The following CELSR1 variants were observed in gnomAD, a reference collection of about 807,000 sequenced individuals.
The protein encoded by CELSR1 is cadherin EGF LAG seven-pass G-type receptor 1.
A neutral mutation model predicts 249.1 loss-of-function variants in CELSR1; 110 were observed. The ratio of observed to expected loss-of-function variants is 0.44; its 90% CI spans 0.38 to 0.52. The LOEUF (loss-of-function observed/expected upper bound fraction) is 0.52. Ranked by LOEUF, CELSR1 falls within the 20% of genes least tolerant of loss-of-function variation. The pLI is 0.00. For synonymous variants in CELSR1, 2,113 were observed against 1,900.0 expected (o/e 1.11, Z -2.92); for missense variants, 4,109 against 4,296.4 (o/e 0.96, Z 1.22).
chr22:46,532,093 G>T (rs1314731646), intron 1 of CELSR1, among the ~76,000 whole-genome samples: 3 of 152,132 alleles, frequency 2.0e-5, no homozygotes, highest in Non-Finnish European at 4.4e-5. Flanking sequence ...GCTAACAGCG[G>T]GGGGGCCCAC....
chr22:46,407,004 G>T lies in CELSR1; in HGVS notation c.5226+1992C>A, dbSNP rs76263387. Reference sequence around the variant, plus strand: ...GGAGGGACTTCCTGACCGCAGGAGCGGGGAGGGGGGGTCATCCTGGGAGAA... The same window carrying T: ...GGAGGGACTTCCTGACCGCAGGAGCTGGGAGGGGGGGTCATCCTGGGAGAA... On this transcript the variant is annotated intron_variant, in intron 9 of 34. Coordinates refer to ENST00000674500, the MANE Select transcript of CELSR1 (RefSeq NM_001378328.1). The surrounding 1 kb of genome is among the most constrained non-coding windows in gnomAD (Gnocchi z 4.8). 6.6e-6 allele frequency among the ~76,000 whole-genome samples: 1 copy of T among 152,270 alleles called. No individual in the cohort carries two copies. Among genetic ancestry groups the T allele is most frequent in the Admixed American group, 6.5e-5 (1 of 15,298 alleles).
Position 46,488,971 on chromosome 22 carries a change from T to G in CELSR1, c.3545-24626A>C, listed in dbSNP as rs1207649817. Among the ~76,000 whole-genome samples the G allele has an allele frequency of 6.6e-6, 1 of 152,044 alleles. No individual in the cohort carries two copies. The highest frequency in any genetic ancestry group is 1.5e-5 in the Non-Finnish European group (1 of 68,004). On this transcript the variant is annotated intron_variant, in intron 1 of 34. Coordinates refer to ENST00000674500, the MANE Select transcript of CELSR1 (RefSeq NM_001378328.1). This position sits in a 1 kb window ranked among gnomAD's most constrained non-coding sequence, Gnocchi z 4.7. ...ACCACGCCCAGCCCAGCCCTGCCCT[T>G]TTGAGCATGCAGCAGTTGGGGTCAC... is the stretch of plus-strand genomic sequence containing the variant.
rs924735175 is a variant in CELSR1 at position 46,517,174 on chromosome 22, G to A, written c.3544+16453C>T. On this transcript the variant is annotated intron_variant, in intron 1 of 34. Transcript: ENST00000674500. This position sits in a 1 kb window ranked among gnomAD's most constrained non-coding sequence, Gnocchi z 5.4. ...CACTGCCTCAGTTTTCCCAGCTGCA[G>A]AGCATGGAGCTGCCAGGTGCAAGTT... Among the ~76,000 whole-genome samples, 18 of 152,236 alleles carry A rather than the reference G, an allele frequency of 1.2e-4. No homozygotes were observed. Among genetic ancestry groups the A allele is most frequent in the Admixed American group, 1.1e-3 (17 of 15,282 alleles).
Position 46,464,035 on chromosome 22 carries a change from G to A in CELSR1, c.3855C>T (p.Tyr1285=), listed in dbSNP as rs1175004353. 4 of 1,613,692 alleles carry A rather than the reference G, an allele frequency of 2.5e-6. No individual in the cohort carries two copies. The Admixed American group carries it at 6.7e-5, about 27-fold the overall frequency. ...TGGTGGTCAGCAGCGTCCGATTCAG[G>A]TAGATCTGCTCCTGCAGGTCCTCCG... is the stretch of plus-strand genomic sequence containing the variant. ...FPSEDLQEQI[Y]LNRTLLTTIS... The change falls in exon 2 of 35, where the codon TAC becomes TAT. Residue 1285 remains tyrosine, a synonymous_variant. Coordinates refer to ENST00000674500, the MANE Select transcript of CELSR1 (RefSeq NM_001378328.1). This position sits in a 1 kb window ranked among gnomAD's most constrained non-coding sequence, Gnocchi z 8.5.
chr22:46,505,741 G>A (rs946952035), intron 1 of CELSR1, among the ~76,000 whole-genome samples: 5 of 152,206 alleles, frequency 3.3e-5, no homozygotes, highest in Non-Finnish European at 5.9e-5. Flanking sequence ...AAAAATGTTC[G>A]GAAAGACACC....
intron 1 of CELSR1, among the ~76,000 whole-genome samples, chr22:46,494,627 G>A (rs1451513622): frequency 6.6e-6 from 1 of 152,106 alleles, no homozygotes. Flanking sequence ...TCATGCCTCA[G>A]CCTCCAGAGT....
rs1437438584 is a variant in CELSR1, at chr22:46,527,834, G to A, written c.3544+5793C>T. 3.3e-5 allele frequency among the ~76,000 whole-genome samples: 5 copies of A among 152,174 alleles called. No individual in the cohort carries two copies. The highest frequency in any genetic ancestry group is 2.1e-4 in the South Asian group (1 of 4,828). On this transcript the variant is annotated intron_variant, in intron 1 of 34. Transcript: ENST00000674500. The surrounding 1 kb of genome is among the most constrained non-coding windows in gnomAD (Gnocchi z 5.5). Reference sequence around the variant, plus strand: ...ACCCAGGCTGGGAGCGGTGGCTCACGCCTGTAATCCCAGCATTTTGGGAGG... The same window carrying A: ...ACCCAGGCTGGGAGCGGTGGCTCACACCTGTAATCCCAGCATTTTGGGAGG...
chr22:46,367,227 G>A (rs562368702), intron 28 of CELSR1, 109 bp from the exon 29 acceptor site: 164 of 1,400,044 alleles, frequency 1.2e-4, no homozygotes, highest in Admixed American at 4.1e-4. Context: ...CAACATGTCC[G>A]GCCACACGGC....
At chr22:46,416,383 C>T (rs1198790119) in intron 5 of CELSR1, among the ~76,000 whole-genome samples, 2 of 152,212 alleles carry the variant, frequency 1.3e-5, no homozygotes, top group Non-Finnish European at 1.5e-5. Flanking sequence ...GAGGACCCCC[C>T]CCAACCCCTG....
chr22:46,522,306 T>C (rs5768884), intron 1 of CELSR1, among the ~76,000 whole-genome samples: 1 of 152,112 alleles, frequency 6.6e-6, no homozygotes, highest in African/African-American at 2.4e-5. Context: ...TTTTATATTT[T>C]GTATATTTTT....
intron 5 of CELSR1, among the ~76,000 whole-genome samples, chr22:46,431,691 G>A (rs577340191): frequency 2.6e-4 from 40 of 152,318 alleles, no homozygotes; most frequent in South Asian, 1.7e-3. Context: ...ACGGCCACCC[G>A]TGCAGCTCAC....
intron 13 of CELSR1, among the ~76,000 whole-genome samples, chr22:46,394,997 G>A (rs775906838): frequency 1.3e-5 from 2 of 152,142 alleles, no homozygotes; most frequent in African/African-American, 4.8e-5. Flanking sequence ...CAACGGCCCC[G>A]CCCGAGTGTC....
chr22:46,525,952 C>A (rs1446558344), intron 1 of CELSR1, among the ~76,000 whole-genome samples: 1 of 152,252 alleles, frequency 6.6e-6, no homozygotes, highest in African/African-American at 2.4e-5. Flanking sequence ...CCGGCTCCTG[C>A]CCAGGGCTTT....
In CELSR1 at chr22:46,390,604, C is replaced by T. The variant is rs930552472; in HGVS notation, c.6251-118G>A. 1 of 780,966 alleles carries T rather than the reference C, an allele frequency of 1.3e-6. No individual in the cohort carries two copies. Among genetic ancestry groups the T allele is most frequent in the African/African-American group, 1.8e-5 (1 of 57,030 alleles). The allele number at this position is 780,966 out of a possible 1,614,324, so 48.4% of individuals were successfully genotyped here. A position where few individuals can be genotyped will look rare whatever the true frequency, so the allele number is the denominator to read the frequency against. ...CAGAACACTGCGTGGTGGTTAGAAC[C>T]CCATGGGGGCCAGGAGGTCGACACC... On this transcript the variant is annotated intron_variant, in intron 16 of 34. Transcript: ENST00000674500. This position sits in a 1 kb window ranked among gnomAD's most constrained non-coding sequence, Gnocchi z 6.3.
At chr22:46,504,348 C>T (rs2080493444) in intron 1 of CELSR1, among the ~76,000 whole-genome samples, 1 of 151,830 alleles carries the variant, frequency 6.6e-6, no homozygotes, top group African/African-American at 2.4e-5. Flanking sequence ...CCCATCTCTA[C>T]TAAAAACACA....
In CELSR1 at chr22:46,363,157, G is replaced by A. The variant is rs2078724679; in HGVS notation, c.*66C>T. 1.9e-6 allele frequency: 3 copies of A among 1,613,652 alleles called. No individual in the cohort carries two copies. Among genetic ancestry groups the A allele is most frequent in the South Asian group, 1.1e-5 (1 of 91,072 alleles). On this transcript the variant is annotated 3_prime_UTR_variant, in exon 35 of 35. Transcript: ENST00000674500. This position sits in a 1 kb window ranked among gnomAD's most constrained non-coding sequence, Gnocchi z 4.3. ...AGGTCTGAGGGTGATGCCGCAGCCT[G>A]TGTGGGGTGACGGGCTTGCCTCACG...
Position 46,423,639 on chromosome 22 carries a change from G to A in CELSR1, c.4611+9754C>T, listed in dbSNP as rs868441963. ...AAAAAAAAAAAGACTCCATGCTTTA[G>A]GCAGTTTATGACCTTGAAAAAGCTA... On this transcript the variant is annotated intron_variant, in intron 5 of 34. Transcript: ENST00000674500. The surrounding 1 kb of genome is among the most constrained non-coding windows in gnomAD (Gnocchi z 5.6). 1.3e-5 allele frequency among the ~76,000 whole-genome samples: 2 copies of A among 150,464 alleles called. No individual in the cohort carries two copies. Among genetic ancestry groups the A allele is most frequent in the Admixed American group, 6.6e-5 (1 of 15,068 alleles).
At chr22:46,375,895 G>A (rs1289893562) in intron 24 of CELSR1, among the ~76,000 whole-genome samples, 1 of 152,168 alleles carries the variant, frequency 6.6e-6, no homozygotes, top group Non-Finnish European at 1.5e-5. Context: ...TTTTCTATGA[G>A]ATCCTTCATG....
intron 2 of CELSR1, among the ~76,000 whole-genome samples, chr22:46,460,835 T>C (rs891158222): frequency 4.6e-5 from 7 of 152,174 alleles, no homozygotes; most frequent in Admixed American, 6.5e-5. Flanking sequence ...CCTGGGGCCT[T>C]GGACTTCTCT....
Sources: gnomAD v4.1 joint callset for allele counts (sites outside exome capture counted in the v4.1 genomes callset) on GRCh38, gnomAD v4.1.1 for gene constraint, Gnocchi (gnomAD v3.1) non-coding constraint, MANE v1.5 for transcripts, NCBI Gene and HGNC (gene_info 2026-07-23, HGNC 2026-07-21) for gene names.